Variants in CPXM2 observed in about 807,000 individuals in gnomAD.
The protein encoded by CPXM2 is inactive carboxypeptidase-like protein X2.
CPXM2 carries 66 observed loss-of-function variants against 86.1 expected under a neutral mutation model. The ratio of observed to expected loss-of-function variants is 0.77; its 90% CI spans 0.63 to 0.94. The LOEUF is 0.94. Among genes scored for constraint, CPXM2 ranks in the 40% least tolerant of loss-of-function variants. The pLI is 0.00. For synonymous variants in CPXM2, 388 were observed against 400.2 expected (o/e 0.97, Z 0.36); for missense variants, 948 against 1,026.3 (o/e 0.92, Z 1.04).
chr10:123,821,149 T>C (rs1847915491), intron 4 of CPXM2, among the ~76,000 whole-genome samples: 1 of 152,194 alleles, frequency 6.6e-6, no homozygotes, highest in Non-Finnish European at 1.5e-5. Context: ...ATTCAACAAA[T>C]AGAAAGCTTA....
intron 2 of CPXM2, among the ~76,000 whole-genome samples, chr10:123,924,423 G>A (rs985700674): frequency 1.4e-4 from 21 of 152,190 alleles, no homozygotes; most frequent in African/African-American, 3.9e-4. Context: ...GATGCCTACT[G>A]GTTTCCTGGT....
At chr10:123,923,693 C>T in intron 2 of CPXM2, among the ~76,000 whole-genome samples, 1 of 152,194 alleles carries the variant, frequency 6.6e-6, no homozygotes. Context: ...AATTGTAGCT[C>T]CCATTATTCC....
At chr10:123,751,924 T>G (rs1846087227) in intron 13 of CPXM2, 1 of 985,286 alleles carries the variant, frequency 1.0e-6, no homozygotes, top group African/African-American at 1.7e-5. Context: ...TCTCATTGAT[T>G]GCAGGGGCTT....
At chr10:123,801,418 C>T (rs1409063078) in intron 4 of CPXM2, among the ~76,000 whole-genome samples, 1 of 152,128 alleles carries the variant, frequency 6.6e-6, no homozygotes, top group Non-Finnish European at 1.5e-5. Flanking sequence ...GGGTATTTCT[C>T]CATAGCAGTA....
intron 3 of CPXM2, among the ~76,000 whole-genome samples, chr10:123,844,034 G>T (rs1848443259): frequency 6.6e-6 from 1 of 152,112 alleles, no homozygotes; most frequent in African/African-American, 2.4e-5. Flanking sequence ...CACAGTGTCA[G>T]GGGAATGGAG....
At chr10:123,788,551 G>C (rs1383622359) in intron 6 of CPXM2, among the ~76,000 whole-genome samples, 1 of 152,180 alleles carries the variant, frequency 6.6e-6, no homozygotes, top group Non-Finnish European at 1.5e-5. Context: ...ACCCTTGCTT[G>C]TTCCCGCCCT....
intron 2 of CPXM2, among the ~76,000 whole-genome samples, chr10:123,915,392 T>C (rs1945527060): frequency 6.6e-6 from 1 of 152,040 alleles, no homozygotes; most frequent in East Asian, 1.9e-4. Flanking sequence ...ACCCTATCGC[T>C]ACTAAAAATA....
In CPXM2 at chr10:123,790,700, C is replaced by A. The variant is rs187926737; in HGVS notation, c.889+7276G>T. On this transcript the variant is annotated intron_variant, in intron 6 of 13. Transcript: ENST00000241305. Reference sequence around the variant, plus strand: ...AATAAAGGCGTCTCACAGGTACAGGCAGGTCTCCCCCATCGTGCCAAGAGA... The same window carrying A: ...AATAAAGGCGTCTCACAGGTACAGGAAGGTCTCCCCCATCGTGCCAAGAGA... Among the ~76,000 whole-genome samples, 865 of 152,248 alleles carry A rather than the reference C, an allele frequency of 5.7e-3. 22 individuals are homozygous for A. Among genetic ancestry groups the A allele is most frequent in the Admixed American group, 0.049 (754 of 15,286 alleles).
intron 4 of CPXM2, among the ~76,000 whole-genome samples, chr10:123,814,374 C>T (rs71486680): frequency 0.018 from 2,710 of 152,300 alleles, 30 homozygotes; most frequent in Non-Finnish European, 0.03. Flanking sequence ...GCTTCCTGCC[C>T]TCGAATATCA....
Position 123,939,154 on chromosome 10 carries a change from G to A in CPXM2, n.174+323C>T, listed in dbSNP as rs528932255. 7.2e-5 allele frequency among the ~76,000 whole-genome samples: 11 copies of A among 152,304 alleles called. No individual in the cohort carries two copies. The South Asian group carries it at 8.3e-4, about 11-fold the overall frequency. ...TAAACTTGTCCCTCAGACCCACAGA[G>A]CCGTAGTATTGGGAACCAAGGTATC... On this transcript the variant is annotated intron_variant and non_coding_transcript_variant, in intron 2 of 19. Transcript: ENST00000368854.
chr10:123,902,840 G>C (rs1945396357), intron 2 of CPXM2, among the ~76,000 whole-genome samples: 1 of 152,188 alleles, frequency 6.6e-6, no homozygotes, highest in Non-Finnish European at 1.5e-5. Context: ...GCTCGCGGCT[G>C]TTGTCATTCT....
intron 2 of CPXM2, among the ~76,000 whole-genome samples, chr10:123,936,351 C>A (rs1006971665): frequency 6.6e-6 from 1 of 152,166 alleles, no homozygotes; most frequent in Non-Finnish European, 1.5e-5. Context: ...ATAATAGAGG[C>A]AGATAAGTCA....
intron 3 of CPXM2, among the ~76,000 whole-genome samples, chr10:123,859,895 C>T (rs774534520): frequency 5.3e-5 from 8 of 152,192 alleles, no homozygotes; most frequent in Non-Finnish European, 1.2e-4. Context: ...CGGCTGCTCC[C>T]TGCTGGACGC....
intron 2 of CPXM2, among the ~76,000 whole-genome samples, chr10:123,868,007 G>A (rs1449637815): frequency 6.6e-6 from 1 of 152,196 alleles, no homozygotes; most frequent in African/African-American, 2.4e-5. Flanking sequence ...GAGGTCTGGG[G>A]AATCTTAAAC....
intron 7 of CPXM2, among the ~76,000 whole-genome samples, chr10:123,774,914 G>C (rs752726289): frequency 6.6e-6 from 1 of 152,148 alleles, no homozygotes; most frequent in Admixed American, 6.5e-5. Context: ...CAGTAATAAC[G>C]TCACCAATTG....
chr10:123,852,417 C>G (rs1564798047), intron 3 of CPXM2, among the ~76,000 whole-genome samples: 1 of 152,204 alleles, frequency 6.6e-6, no homozygotes, highest in East Asian at 1.9e-4. Context: ...TCCAACCCCC[C>G]TCCATCACGC....
At chr10:123,762,196 A>T in intron 10 of CPXM2, 27 bp from the exon 11 acceptor site, 1 of 1,614,048 alleles carries the variant, frequency 6.2e-7, no homozygotes, top group Admixed American at 1.7e-5. Context: ...TGGACGAGTA[A>T]AATAAGCAGG....
In CPXM2 at chr10:123,793,599, C is replaced by T. The variant is rs76989172; in HGVS notation, c.889+4377G>A. ...CATCTGCTTTTTAAGTCCCTGGCAA[C>T]CAGAAGGGCTCAGCTGGTACTCAGC... On this transcript the variant is annotated intron_variant, in intron 6 of 13. Coordinates refer to ENST00000241305, the MANE Select transcript of CPXM2 (RefSeq NM_198148.3). Among the ~76,000 whole-genome samples, 717 of 152,006 alleles carry T rather than the reference C, an allele frequency of 4.7e-3. 2 individuals are homozygous for T. Among genetic ancestry groups the T allele is most frequent in the Non-Finnish European group, 7.3e-3 (496 of 68,004 alleles).
rs1846349700 is a variant in CPXM2, at chr10:123,761,894, G to A, written c.1755C>T (p.Ala585=). ...TACTTCCAGCGACGGTGTGCCAGGA[G>A]GCCCCATTGACAGTGCCCTCCTCCT... The part of the protein sequence containing the change: ...FQKEEGTVNG[A]SWHTVAGSLN... The change falls in exon 11 of 14, where the codon GCC becomes GCT. Residue 585 remains alanine, a synonymous_variant. Coordinates refer to ENST00000241305, the MANE Select transcript of CPXM2 (RefSeq NM_198148.3). 1 of 1,613,678 alleles carries A rather than the reference G, an allele frequency of 6.2e-7. No homozygotes were observed. Among genetic ancestry groups the A allele is most frequent in the Non-Finnish European group, 8.5e-7 (1 of 1,179,846 alleles).
Sources: gnomAD v4.1 joint callset for allele counts (sites outside exome capture counted in the v4.1 genomes callset) on GRCh38, gnomAD v4.1.1 for gene constraint, MANE v1.5 for transcripts, NCBI Gene and HGNC (gene_info 2026-07-23, HGNC 2026-07-21) for gene names.